ZNF532: variants seen among roughly 807,000 people sequenced by gnomAD.
ZNF532 encodes the protein zinc finger protein 532.
In ZNF532, 22 loss-of-function variants were observed where a neutral mutation model predicts 89.3. The ratio of observed to expected loss-of-function variants is 0.25; its 90% CI spans 0.18 to 0.35. ZNF532 has a LOEUF of 0.35. Among genes scored for constraint, ZNF532 ranks in the 10% least tolerant of loss-of-function variants. The pLI, the probability that ZNF532 is intolerant of heterozygous loss-of-function variation, is 1.00. For synonymous variants in ZNF532, 606 were observed against 649.6 expected, an observed-to-expected ratio of 0.93 and a Z score of 1.02; for missense variants, 1,132 against 1,643.4, an observed-to-expected ratio of 0.69 and a Z score of 5.38.
intron 5 of ZNF532, among the ~76,000 whole-genome samples, chr18:58,942,287 G>A (rs1326243449): frequency 2.8e-5 from 4 of 143,466 alleles, no homozygotes; most frequent in Non-Finnish European, 4.5e-5. Flanking sequence ...CTCCCAAAGT[G>A]CTGGGATTAC....
chr18:58,864,251 G>A (rs1475613472), upstream of ZNF532: 1 of 152,722 alleles, frequency 6.5e-6, no homozygotes, highest in African/African-American at 2.4e-5. Context: ...AGGAGGAGGA[G>A]GAGACTGGGG....
chr18:58,947,412 A>G (rs2063759916), intron 5 of ZNF532, among the ~76,000 whole-genome samples: 1 of 152,232 alleles, frequency 6.6e-6, no homozygotes, highest in Non-Finnish European at 1.5e-5. Flanking sequence ...CATATTAGTC[A>G]TGGAAATAGT....
At chr18:58,885,424 G>A (rs537564897) in intron 2 of ZNF532, among the ~76,000 whole-genome samples, 1 of 152,310 alleles carries the variant, frequency 6.6e-6, no homozygotes, top group East Asian at 1.9e-4. Context: ...TTCATTTACA[G>A]ATATACATTA....
chr18:58,933,963 C>G (rs776606928), intron 3 of ZNF532, among the ~76,000 whole-genome samples: 1 of 152,140 alleles, frequency 6.6e-6, no homozygotes, highest in Non-Finnish European at 1.5e-5. Context: ...TCCTGTATTT[C>G]AGATTTCAAA....
intron 6 of ZNF532, among the ~76,000 whole-genome samples, chr18:58,948,693 G>T (rs1352888237): frequency 6.6e-6 from 1 of 150,856 alleles, no homozygotes; most frequent in Non-Finnish European, 1.5e-5. Flanking sequence ...TCAGCCTCCC[G>T]AGTAGCTGGG....
chr18:58,890,183 G>C (rs1025865095), intron 2 of ZNF532, among the ~76,000 whole-genome samples: 2 of 151,984 alleles, frequency 1.3e-5, no homozygotes, highest in African/African-American at 4.8e-5. Context: ...GGAGGTGGGG[G>C]TTGCAGTGAG....
At chr18:58,966,273 G>A (rs1015015850) in intron 7 of ZNF532, among the ~76,000 whole-genome samples, 11 of 152,012 alleles carry the variant, frequency 7.2e-5, no homozygotes, top group African/African-American at 2.7e-4. Context: ...TTCAGTTTAG[G>A]AGTTATATAT....
chr18:58,891,829 G>T (rs2058923448), intron 2 of ZNF532, among the ~76,000 whole-genome samples: 1 of 152,144 alleles, frequency 6.6e-6, no homozygotes, highest in Non-Finnish European at 1.5e-5. Flanking sequence ...ATGCCAGTCT[G>T]CCCTCCCTCC....
rs557668453 is a variant in ZNF532, at chr18:58,944,641, C to T, written c.2706-3426C>T. The stretch of plus-strand genomic sequence containing the variant: ...CTGCCCCTCCTCTCTGCCTGGTAGC[C>T]GGTCTCCCTGGGGATTTTCCATTTT... On this transcript the variant is annotated intron_variant, in intron 5 of 9. Transcript: ENST00000591808. 3.6e-4 allele frequency among the ~76,000 whole-genome samples: 55 copies of T among 152,184 alleles called. No homozygotes were observed. In the South Asian group the frequency reaches 7.1e-3, roughly 20 times the overall value.
intron 6 of ZNF532, chr18:58,953,295 A>G (rs749671973): frequency 6.9e-6 from 3 of 435,834 alleles, no homozygotes; most frequent in Non-Finnish European, 1.2e-5. Flanking sequence ...ACAAATATAT[A>G]GGCCTTTAAA....
chr18:58,903,229 G>A (rs2059713701), intron 2 of ZNF532, among the ~76,000 whole-genome samples: 1 of 152,192 alleles, frequency 6.6e-6, no homozygotes, highest in African/African-American at 2.4e-5. Flanking sequence ...GGAGATAAGT[G>A]TGTGTTGGGG....
upstream of ZNF532, chr18:58,863,880 C>T (rs2056191584): frequency 1.3e-5 from 2 of 152,204 alleles, no homozygotes; most frequent in South Asian, 4.1e-4. Context: ...CGTGCCCACT[C>T]CTGCGGGCCG....
chr18:58,963,603 A>ATGTGTGTGTGTGTGTGTGTGTG (rs60644289), intron 7 of ZNF532, among the ~76,000 whole-genome samples: 1 of 143,778 alleles, frequency 7.0e-6, no homozygotes, highest in African/African-American at 2.6e-5. Context: ...AAAGAAAAAA[A>ATGTGTGTGTGTGTGTGTGTGTG]TGTGTGTGTG....
chr18:58,978,449 T>C (rs1410611625), intron 7 of ZNF532, among the ~76,000 whole-genome samples: 2 of 152,216 alleles, frequency 1.3e-5, no homozygotes, highest in East Asian at 3.8e-4. Context: ...TGGTTTCATA[T>C]ATTATCTTTT....
chr18:58,959,669 A>G (rs2065161246), intron 7 of ZNF532, among the ~76,000 whole-genome samples: 1 of 152,230 alleles, frequency 6.6e-6, no homozygotes, highest in African/African-American at 2.4e-5. Flanking sequence ...ACTTTGTGAA[A>G]AAATAATTAA....
At chr18:58,969,308 G>T (rs1417970575) in intron 7 of ZNF532, among the ~76,000 whole-genome samples, 1 of 152,178 alleles carries the variant, frequency 6.6e-6, no homozygotes, top group Non-Finnish European at 1.5e-5. Context: ...GCCAAATCCA[G>T]CAAGTCCATG....
Position 58,919,522 on chromosome 18 carries a change from C to T in ZNF532, c.1235C>T (p.Ser412Leu). The T allele has an allele frequency of 6.2e-7, 1 of 1,614,202 alleles. No individual in the cohort carries two copies. Among genetic ancestry groups the T allele is most frequent in the Non-Finnish European group, 8.5e-7 (1 of 1,180,046 alleles). ...ACATCCCTTCTGTCGTCTCCAGCAT[C>T]AGCCGCCGTCCTTTCCTCTCCCCCC... Reference protein sequence around the residue: ...SVTSLLSSPASAAVLSSPPRA... With the variant: ...SVTSLLSSPALAAVLSSPPRA... The change falls in exon 3 of 10, where the codon TCA becomes TTA. Residue 412 changes from serine (S) to leucine (L), a missense_variant. Transcript: ENST00000591808. The surrounding 1 kb of genome is among the most constrained non-coding windows in gnomAD (Gnocchi z 6.1).
At position 58,918,691 on chromosome 18, in the gene ZNF532, C is replaced by T. The variant is rs1202009359; in HGVS notation, c.404C>T (p.Ala135Val). The T allele has an allele frequency of 5.6e-6, 9 of 1,614,028 alleles. No individual in the cohort carries two copies. The highest frequency in any genetic ancestry group is 1.7e-5 in the Admixed American group (1 of 60,000). The change falls in exon 3 of 10, where the codon GCT becomes GTT. Residue 135 changes from alanine (A) to valine (V), a missense_variant. Physicochemically the swap from Ala to Val is moderately conservative, Grantham distance 64 (BLOSUM62 0). This residue lies in a region of ZNF532 where 302 missense variants were observed against 319.8 expected (regional missense o/e 0.94). Coordinates refer to ENST00000591808, the MANE Select transcript of ZNF532 (RefSeq NM_001375912.1). ...AGCCAGTTTAGCCCGATCTCCAGTG[C>T]TGAAGAGTTTGATGACGACGAGAAG... ...TFSQFSPISS[A>V]EEFDDDEKIE... is the part of the protein sequence containing the mutation.
At position 58,918,407 on chromosome 18, in the gene ZNF532, C is replaced by T. The variant is rs762063962; in HGVS notation, c.120C>T (p.His40=). The part of the protein sequence containing the change: ...IESGHDDHES[H]MKQNAHGEDD... ...CTGGACACGATGACCATGAAAGCCA[C>T]ATGAAGCAGAATGCTCACGGAGAGG... The change falls in exon 3 of 10, where the codon CAC becomes CAT. Residue 40 remains histidine (H), a synonymous_variant. Coordinates refer to ENST00000591808, the MANE Select transcript of ZNF532 (RefSeq NM_001375912.1). 12 of 1,614,188 alleles carry T rather than the reference C, an allele frequency of 7.4e-6. No homozygotes were observed. In the East Asian group the frequency reaches 2.5e-4, roughly 33 times the overall value.
Sources: gnomAD v4.1 joint callset for allele counts (sites outside exome capture counted in the v4.1 genomes callset) on GRCh38, gnomAD v4.1.1 for gene constraint, gnomAD v4.1.1 regional missense constraint, Gnocchi (gnomAD v3.1) non-coding constraint, MANE v1.5 for transcripts, NCBI Gene and HGNC (gene_info 2026-07-23, HGNC 2026-07-21) for gene names.